The following ST6GALNAC3 variants were observed in gnomAD, a reference collection of about 807,000 sequenced individuals.
ST6GALNAC3 encodes the protein alpha-N-acetylgalactosaminide alpha-2,6-sialyltransferase 3.
A neutral mutation model predicts 32.7 loss-of-function variants in ST6GALNAC3; 25 were observed. The observed-to-expected ratio is 0.76, with a 90% confidence interval of 0.56 to 1.07. The LOEUF is 1.07. Among genes scored for constraint, ST6GALNAC3 ranks in the 50% least tolerant of loss-of-function variants. The probability of loss-of-function intolerance (pLI) is 0.00; values close to 1 mark genes in which losing one functional copy is unlikely to be tolerated. For synonymous variants in ST6GALNAC3, 129 were observed against 133.1 expected (o/e 0.97, Z 0.21); for missense variants, 355 against 382.4 (o/e 0.93, Z 0.60).
intron 1 of ST6GALNAC3, among the ~76,000 whole-genome samples, chr1:76,134,248 C>T (rs1031117086): frequency 3.9e-5 from 6 of 152,198 alleles, no homozygotes; most frequent in South Asian, 4.1e-4. Context: ...TTTTCTTCCC[C>T]TATACATTCT....
chr1:76,165,790 A>G (rs1027499840), intron 1 of ST6GALNAC3, among the ~76,000 whole-genome samples: 2 of 152,060 alleles, frequency 1.3e-5, no homozygotes, highest in African/African-American at 4.8e-5. Context: ...TTTTTTTCAT[A>G]TGATTATTGG....
rs531290047 is a variant in ST6GALNAC3 at position 76,166,123 on chromosome 1, T to A, written c.18+91239T>A. Among the ~76,000 whole-genome samples the A allele has an allele frequency of 2.6e-5, 4 of 152,110 alleles. 1 individual carries two copies. The South Asian group carries it at 6.2e-4, about 24-fold the overall frequency. ...CAGAATGGTGTTGCCTAAGTTGGAG[T>A]TTTTCTAGTTTTGGGTTTTACATTT... On this transcript the variant is annotated intron_variant, in intron 1 of 4. Coordinates refer to ENST00000328299, the MANE Select transcript of ST6GALNAC3 (RefSeq NM_152996.4).
chr1:76,404,161 A>G (rs1472951317), intron 2 of ST6GALNAC3, among the ~76,000 whole-genome samples: 2 of 152,112 alleles, frequency 1.3e-5, no homozygotes, highest in Admixed American at 1.3e-4. Context: ...GGTAGGAACC[A>G]AGGTAAATGC....
At chr1:76,313,783 T>C in intron 1 of ST6GALNAC3, 22 bp from the exon 2 acceptor site, 1 of 1,610,946 alleles carries the variant, frequency 6.2e-7, no homozygotes, top group Non-Finnish European at 8.5e-7. Context: ...GTTCTTCTTT[T>C]TGTTTTTTTA....
chr1:76,319,611 G>A (rs1646930494), intron 2 of ST6GALNAC3, among the ~76,000 whole-genome samples: 1 of 152,078 alleles, frequency 6.6e-6, no homozygotes, highest in Non-Finnish European at 1.5e-5. Flanking sequence ...AGAGGCTTTG[G>A]GTTTTACGTA....
chr1:76,306,621 A>G (rs1473074239), intron 1 of ST6GALNAC3, among the ~76,000 whole-genome samples: 1 of 151,620 alleles, frequency 6.6e-6, no homozygotes, highest in Non-Finnish European at 1.5e-5. Flanking sequence ...GTCCTAGAGA[A>G]AAATTATAGG....
chr1:76,611,629 C>T (rs1469293957), intron 3 of ST6GALNAC3, among the ~76,000 whole-genome samples: 3 of 152,158 alleles, frequency 2.0e-5, no homozygotes, highest in African/African-American at 7.2e-5. Flanking sequence ...AAGGATCCCT[C>T]TACGTTGCAG....
chr1:76,095,956 C>T (rs1031900197), intron 1 of ST6GALNAC3, among the ~76,000 whole-genome samples: 1 of 152,148 alleles, frequency 6.6e-6, no homozygotes, highest in African/African-American at 2.4e-5. Context: ...GAACAGCTGA[C>T]AGTCATTGGT....
chr1:76,571,308 C>T lies in ST6GALNAC3; in HGVS notation c.624-56144C>T, dbSNP rs536096643. On this transcript the variant is annotated intron_variant, in intron 3 of 4. Transcript: ENST00000328299. ...CTCTTGATTAAAATCTTTCAGTGGT[C>T]GCTCACTGTTTCTAGACCTTAGCTG... is the stretch of plus-strand genomic sequence containing the variant. 7.2e-5 allele frequency among the ~76,000 whole-genome samples: 11 copies of T among 152,138 alleles called. No homozygotes were observed. In the South Asian group the frequency reaches 1.7e-3, roughly 23 times the overall value.
At chr1:76,160,209 A>T (rs1346328851) in intron 1 of ST6GALNAC3, among the ~76,000 whole-genome samples, 2 of 152,184 alleles carry the variant, frequency 1.3e-5, no homozygotes, top group Non-Finnish European at 2.9e-5. Flanking sequence ...TAGTAATCCC[A>T]GAGGTCAAGA....
chr1:76,107,832 T>A lies in ST6GALNAC3; in HGVS notation c.18+32948T>A, dbSNP rs138528863. Reference sequence around the variant, plus strand: ...GTCCTCTCCCTCTCTCTACACCCAATGTACTTTATTTTTTGGCCCATTTTT... The same window carrying A: ...GTCCTCTCCCTCTCTCTACACCCAAAGTACTTTATTTTTTGGCCCATTTTT... On this transcript the variant is annotated intron_variant, in intron 1 of 4. Transcript: ENST00000328299. Among the ~76,000 whole-genome samples the A allele has an allele frequency of 3.7e-3, 566 of 152,324 alleles. 6 individuals are homozygous for A. Among genetic ancestry groups the A allele is most frequent in the African/African-American group, 0.013 (549 of 41,576 alleles).
At chr1:76,232,631 G>A (rs1302258428) in intron 1 of ST6GALNAC3, among the ~76,000 whole-genome samples, 2 of 152,208 alleles carry the variant, frequency 1.3e-5, no homozygotes, top group African/African-American at 2.4e-5. Context: ...TAGCGGGGCT[G>A]TTGTTGAACT....
At chr1:76,262,034 C>T (rs149619848) in intron 1 of ST6GALNAC3, among the ~76,000 whole-genome samples, 514 of 152,162 alleles carry the variant, frequency 3.4e-3, no homozygotes, top group Admixed American at 6.9e-3. Context: ...TTTCATTTGC[C>T]GAAACCATGT....
chr1:76,575,747 C>G (rs1382940477), intron 3 of ST6GALNAC3, among the ~76,000 whole-genome samples: 3 of 151,996 alleles, frequency 2.0e-5, no homozygotes, highest in African/African-American at 7.2e-5. Flanking sequence ...GGAAGCTCTT[C>G]TTCAGATATG....
intron 1 of ST6GALNAC3, among the ~76,000 whole-genome samples, chr1:76,165,905 A>G (rs966346504): frequency 6.6e-6 from 1 of 152,044 alleles, no homozygotes; most frequent in South Asian, 2.1e-4. Context: ...TAAATGCTAG[A>G]TATTAGACCT....
At chr1:76,484,003 G>C (rs1339839553) in intron 3 of ST6GALNAC3, among the ~76,000 whole-genome samples, 4 of 151,864 alleles carry the variant, frequency 2.6e-5, no homozygotes, top group South Asian at 2.1e-4. Flanking sequence ...TCTTGTTTTT[G>C]TCAGGTTTGT....
chr1:76,562,457 G>C (rs1407864771), intron 3 of ST6GALNAC3, among the ~76,000 whole-genome samples: 1 of 152,138 alleles, frequency 6.6e-6, no homozygotes. Context: ...GGATGATGTG[G>C]TGGTAACTAG....
At chr1:76,103,073 T>G (rs1192557621) in intron 1 of ST6GALNAC3, among the ~76,000 whole-genome samples, 1 of 151,970 alleles carries the variant, frequency 6.6e-6, no homozygotes. Flanking sequence ...AAATCCAATT[T>G]TTGTTTCTTT....
intron 3 of ST6GALNAC3, among the ~76,000 whole-genome samples, chr1:76,447,535 G>C (rs1657066210): frequency 6.6e-6 from 1 of 152,122 alleles, no homozygotes; most frequent in South Asian, 2.1e-4. Context: ...TGTCTCCAGG[G>C]CTTGTCAGAG....
Sources: gnomAD v4.1 joint callset for allele counts (sites outside exome capture counted in the v4.1 genomes callset) on GRCh38, gnomAD v4.1.1 for gene constraint, MANE v1.5 for transcripts, NCBI Gene and HGNC (gene_info 2026-07-23, HGNC 2026-07-21) for gene names.